Variants in DPF3 observed in about 807,000 individuals in gnomAD.
DPF3 encodes the protein zinc finger protein DPF3.
A neutral mutation model predicts 56.8 loss-of-function variants in DPF3; 18 were observed. The ratio of observed to expected loss-of-function variants is 0.32; its 90% CI spans 0.22 to 0.47. The LOEUF (loss-of-function observed/expected upper bound fraction) is 0.47, where lower values mean the gene tolerates loss of function less well. Ranked by LOEUF, DPF3 falls within the 20% of genes least tolerant of loss-of-function variation. The pLI, the probability that DPF3 is intolerant of heterozygous loss-of-function variation, is 1.00. For synonymous variants in DPF3, 188 were observed against 180.2 expected (o/e 1.04, Z -0.35); for missense variants, 403 against 488.8 (o/e 0.82, Z 1.65).
intron 3 of DPF3, among the ~76,000 whole-genome samples, chr14:72,746,003 G>A (rs1003717138): frequency 6.6e-6 from 1 of 152,166 alleles, no homozygotes; most frequent in Non-Finnish European, 1.5e-5. Context: ...CCCTCAAAGG[G>A]ACCCCCACCA....
chr14:72,845,774 C>T (rs1293854448), intron 1 of DPF3, among the ~76,000 whole-genome samples: 1 of 152,152 alleles, frequency 6.6e-6, no homozygotes, highest in African/African-American at 2.4e-5. Context: ...TGTGAATTGC[C>T]AAGGAAAGTT....
At chr14:72,823,872 A>C (rs1312269170) in intron 1 of DPF3, among the ~76,000 whole-genome samples, 1 of 152,226 alleles carries the variant, frequency 6.6e-6, no homozygotes, top group Non-Finnish European at 1.5e-5. Context: ...AGGCTGATCT[A>C]TGCTTAGGGA....
intron 1 of DPF3, among the ~76,000 whole-genome samples, chr14:72,884,141 C>T (rs1283045619): frequency 1.3e-5 from 2 of 152,082 alleles, no homozygotes; most frequent in African/African-American, 2.4e-5. Flanking sequence ...CTACCAACCG[C>T]GCTTCTGCTT....
chr14:72,792,030 C>T (rs891244154), intron 1 of DPF3, among the ~76,000 whole-genome samples: 1 of 152,240 alleles, frequency 6.6e-6, no homozygotes, highest in African/African-American at 2.4e-5. Context: ...GTCCAAGGAC[C>T]ATGGCACAGT....
intron 9 of DPF3, among the ~76,000 whole-genome samples, chr14:72,620,407 T>A (rs1193936023): frequency 6.6e-6 from 1 of 152,244 alleles, no homozygotes; most frequent in Non-Finnish European, 1.5e-5. Flanking sequence ...ACTCTCTCCA[T>A]CTGTGAAATG....
At chr14:72,691,969 T>C (rs140121561) in intron 7 of DPF3, among the ~76,000 whole-genome samples, 34 of 152,176 alleles carry the variant, frequency 2.2e-4, no homozygotes, top group African/African-American at 4.8e-4. Flanking sequence ...AGCAAACCCA[T>C]AAAGAAGGCA....
intron 3 of DPF3, among the ~76,000 whole-genome samples, chr14:72,732,242 G>C (rs1246163415): frequency 2.6e-5 from 4 of 152,250 alleles, no homozygotes; most frequent in African/African-American, 9.6e-5. Flanking sequence ...GGACAAGGCA[G>C]GCGTCAGGAG....
At chr14:72,692,669 C>G (rs1201679054) in intron 7 of DPF3, among the ~76,000 whole-genome samples, 1 of 152,206 alleles carries the variant, frequency 6.6e-6, no homozygotes, top group African/African-American at 2.4e-5. Flanking sequence ...TAAGGCACTT[C>G]GTAGCCAAGC....
intron 1 of DPF3, among the ~76,000 whole-genome samples, chr14:72,841,710 C>T (rs1884549329): frequency 1.3e-5 from 2 of 152,148 alleles, no homozygotes; most frequent in South Asian, 4.1e-4. Flanking sequence ...ACCTGGTTAT[C>T]ATATGGCTCA....
chr14:72,824,080 G>C (rs917592860), intron 1 of DPF3, among the ~76,000 whole-genome samples: 5 of 152,196 alleles, frequency 3.3e-5, no homozygotes, highest in African/African-American at 1.2e-4. Flanking sequence ...TCTAGAAGCT[G>C]AGGGATCAGG....
At chr14:72,756,280 G>A (rs1317106777) in intron 2 of DPF3, among the ~76,000 whole-genome samples, 1 of 152,198 alleles carries the variant, frequency 6.6e-6, no homozygotes, top group Admixed American at 6.5e-5. Context: ...AAGCACAAAT[G>A]TGATGCACAA....
chr14:72,704,560 T>C (rs986880388), intron 6 of DPF3, among the ~76,000 whole-genome samples: 38 of 152,190 alleles, frequency 2.5e-4, no homozygotes, highest in Non-Finnish European at 4.9e-4. Flanking sequence ...CCACCTACAA[T>C]GTCAGTGTAA....
intron 1 of DPF3, among the ~76,000 whole-genome samples, chr14:72,796,479 G>C (rs1411416848): frequency 1.3e-5 from 2 of 152,020 alleles, no homozygotes; most frequent in Non-Finnish European, 2.9e-5. Context: ...CTCCAGCCTG[G>C]GTTACAGAGT....
intron 1 of DPF3, among the ~76,000 whole-genome samples, chr14:72,807,242 A>C (rs908310779): frequency 6.6e-6 from 1 of 152,210 alleles, no homozygotes; most frequent in Non-Finnish European, 1.5e-5. Flanking sequence ...CCTTGGGCAA[A>C]CTCCTTAAAA....
chr14:72,779,969 A>C (rs1891905676), intron 1 of DPF3, among the ~76,000 whole-genome samples: 1 of 152,200 alleles, frequency 6.6e-6, no homozygotes, highest in African/African-American at 2.4e-5. Flanking sequence ...AATCCACCCA[A>C]GGACTGCCCT....
intron 8 of DPF3, chr14:72,662,924 G>T: frequency 8.8e-6 from 6 of 678,358 alleles, no homozygotes; most frequent in Non-Finnish European, 1.1e-5. Flanking sequence ...AGGGGTGACA[G>T]AAATGAAATG....
At chr14:72,826,328 G>C (rs889463901) in intron 1 of DPF3, among the ~76,000 whole-genome samples, 8 of 152,164 alleles carry the variant, frequency 5.3e-5, no homozygotes, top group Non-Finnish European at 1.2e-4. Flanking sequence ...TTGTAATAAA[G>C]TTTAACCAAT....
In DPF3 at chr14:72,710,546, A is replaced by C. The variant is rs1221377819; in HGVS notation, c.604+3877T>G. Among the ~76,000 whole-genome samples, 5 of 152,346 alleles carry C rather than the reference A, an allele frequency of 3.3e-5. No individual in the cohort carries two copies. In the East Asian group the frequency reaches 9.7e-4, roughly 29 times the overall value. On this transcript the variant is annotated intron_variant, in intron 6 of 10. Transcript: ENST00000556509. ...TTGTCACTGTCAAAAGCCAGTATAC[A>C]CAAGAATCCCCTGAAGAGCGCTCAG...
At chr14:72,727,442 G>T (rs1270128289) in intron 4 of DPF3, among the ~76,000 whole-genome samples, 1 of 152,110 alleles carries the variant, frequency 6.6e-6, no homozygotes, top group Non-Finnish European at 1.5e-5. Context: ...TGGGCGTGGT[G>T]GTGGGCACCT....
Sources: allele counts gnomAD v4.1 joint callset (sites outside exome capture counted in the v4.1 genomes callset), GRCh38; gene constraint gnomAD v4.1.1; transcripts MANE v1.5; gene names NCBI Gene and HGNC (gene_info 2026-07-23, HGNC 2026-07-21).